SPINK13: variants seen among roughly 807,000 people sequenced by gnomAD.
SPINK13 encodes serine protease inhibitor Kazal-type 13.
In SPINK13, 11 loss-of-function variants were observed where a neutral mutation model predicts 11.0. The observed-to-expected ratio is 1.00, with a 90% confidence interval of 0.63 to 1.65. SPINK13 has a LOEUF of 1.65. Ranked by LOEUF, SPINK13 falls within the 40% of genes most tolerant of loss-of-function variation. The pLI, the probability that SPINK13 is intolerant of heterozygous loss-of-function variation, is 0.00. For missense variants in SPINK13, 113 were observed against 117.7 expected (o/e 0.96, Z 0.19); for synonymous variants, 31 against 35.6 (o/e 0.87, Z 0.46).
At chr5:148,271,332 G>T in intron 2 of SPINK13, among the ~76,000 whole-genome samples, 1 of 152,090 alleles carries the variant, frequency 6.6e-6, no homozygotes, top group East Asian at 1.9e-4. Flanking sequence ...CAATCAAAAA[G>T]CACCATGAAT....
chr5:148,282,465 G>T (rs575601829), intron 4 of SPINK13, among the ~76,000 whole-genome samples: 112 of 152,182 alleles, frequency 7.4e-4, no homozygotes, highest in Non-Finnish European at 1.3e-3. Context: ...ATAATGTTCT[G>T]GGAGAACTGT....
At chr5:148,270,194 T>C in intron 2 of SPINK13, 52 bp downstream of exon 2, 1 of 1,577,806 alleles carries the variant, frequency 6.3e-7, no homozygotes, top group Non-Finnish European at 8.7e-7. Context: ...CTTAAAGTTA[T>C]AGGAAAGAAA....
At chr5:148,269,318 T>G (rs906982060) in intron 1 of SPINK13, among the ~76,000 whole-genome samples, 10 of 152,180 alleles carry the variant, frequency 6.6e-5, no homozygotes, top group Admixed American at 5.2e-4. Flanking sequence ...AACCAAGAAT[T>G]TGAACTGCCA....
At chr5:148,271,490 CTTCAGT>C (rs1756349483) in intron 2 of SPINK13, among the ~76,000 whole-genome samples, 2 of 152,170 alleles carry the variant, frequency 1.3e-5, no homozygotes, top group South Asian at 4.1e-4. Context: ...AAAATTCTTA[CTTCAGT>C]TTCAGTCATT....
intron 3 of SPINK13, among the ~76,000 whole-genome samples, chr5:148,274,865 AT>A (rs1165995998): frequency 6.6e-6 from 1 of 152,212 alleles, no homozygotes; most frequent in South Asian, 2.1e-4. Context: ...AAAATATAAT[AT>A]TTTAGTAAAA....
intron 2 of SPINK13, among the ~76,000 whole-genome samples, chr5:148,273,592 A>T (rs1485918797): frequency 1.3e-5 from 2 of 150,070 alleles, no homozygotes; most frequent in Non-Finnish European, 2.9e-5. Flanking sequence ...TTGTTCTCTG[A>T]AAGAGTGTAC....
Position 148,270,341 on chromosome 5 carries a change from G to A in SPINK13, c.70+199G>A, listed in dbSNP as rs148329765. The stretch of plus-strand genomic sequence containing the variant: ...TTCTACATGGTGGAGTCACAACCTC[G>A]TGTCTATTCTGTCAATTCAAAAGAA... On this transcript the variant is annotated intron_variant, in intron 2 of 4. Transcript: ENST00000398450. 6.7e-4 allele frequency among the ~76,000 whole-genome samples: 102 copies of A among 152,222 alleles called. 1 individual carries two copies. Among genetic ancestry groups the A allele is most frequent in the African/African-American group, 2.3e-3 (95 of 41,530 alleles).
chr5:148,275,666 CTTT>C (rs768312591), intron 3 of SPINK13, among the ~76,000 whole-genome samples: 1 of 142,322 alleles, frequency 7.0e-6, no homozygotes, highest in Admixed American at 7.0e-5. Context: ...GACTTTTTTT[CTTT>C]TTTTTTTTTT....
chr5:148,269,958 A>G, intron 1 of SPINK13, 82 bp from the exon 2 acceptor site: 1 of 969,922 alleles, frequency 1.0e-6, no homozygotes, highest in East Asian at 2.5e-5. Flanking sequence ...CAGGAATGGT[A>G]TCACCTTAGG....
chr5:148,282,345 G>C (rs760242981), intron 4 of SPINK13, 114 bp downstream of exon 4: 9 of 1,311,638 alleles, frequency 6.9e-6, no homozygotes, highest in Non-Finnish European at 9.3e-6. Flanking sequence ...TAAAAAAATA[G>C]CCTCATTATT....
chr5:148,282,007 G>T, intron 3 of SPINK13, 97 bp from the exon 4 acceptor site: 1 of 1,493,972 alleles, frequency 6.7e-7, no homozygotes, highest in South Asian at 1.2e-5. Flanking sequence ...TGACTGGTAT[G>T]ATTTAATATT....
intron 4 of SPINK13, among the ~76,000 whole-genome samples, chr5:148,283,850 G>T (rs1347117581): frequency 2.6e-5 from 4 of 152,186 alleles, no homozygotes; most frequent in Non-Finnish European, 5.9e-5. Flanking sequence ...GTGTAAGAGG[G>T]TCTTGCTGAT....
At chr5:148,281,876 A>G (rs1756521338) in intron 3 of SPINK13, among the ~76,000 whole-genome samples, 1 of 152,212 alleles carries the variant, frequency 6.6e-6, no homozygotes, top group South Asian at 2.1e-4. Context: ...TGAAGGTTAA[A>G]CAGGGATATT....
At chr5:148,269,279 T>C (rs1456402772) in intron 1 of SPINK13, among the ~76,000 whole-genome samples, 1 of 152,210 alleles carries the variant, frequency 6.6e-6, no homozygotes, top group Non-Finnish European at 1.5e-5. Context: ...GTTCATACTT[T>C]CTGAGGCCTA....
chr5:148,283,506 A>G (rs536811338), intron 4 of SPINK13, among the ~76,000 whole-genome samples: 1 of 152,340 alleles, frequency 6.6e-6, no homozygotes, highest in Admixed American at 6.5e-5. Flanking sequence ...CTTTGAAAAT[A>G]ATCCTCATGA....
chr5:148,282,657 T>C (rs1460407863), intron 4 of SPINK13, among the ~76,000 whole-genome samples: 1 of 152,194 alleles, frequency 6.6e-6, no homozygotes, highest in African/African-American at 2.4e-5. Flanking sequence ...GCTATAGCCA[T>C]AGACAAACGT....
In SPINK13 at chr5:148,274,338, T is replaced by C. The variant is rs202132492; in HGVS notation, c.71-9T>C. On this transcript the variant is annotated splice_polypyrimidine_tract_variant and intron_variant, in intron 2 of 4. Transcript: ENST00000398450. ...CCTTTAACTTACTGTGTTTATTCTT[T>C]ATTAGCAGGAATTTTCAATAAACGT... The C allele has an allele frequency of 1.3e-5, 21 of 1,609,892 alleles. No individual in the cohort carries two copies. In the African/African-American group the frequency reaches 2.5e-4, roughly 19 times the overall value.
intron 3 of SPINK13, among the ~76,000 whole-genome samples, chr5:148,275,150 A>G (rs1426297781): frequency 6.6e-6 from 1 of 151,966 alleles, no homozygotes; most frequent in Non-Finnish European, 1.5e-5. Flanking sequence ...CGCTCCCCCA[A>G]CAGGCTCCAG....
At chr5:148,273,101 T>C (rs903665101) in intron 2 of SPINK13, among the ~76,000 whole-genome samples, 13 of 152,192 alleles carry the variant, frequency 8.5e-5, no homozygotes, top group African/African-American at 3.1e-4. Context: ...TTAAGGGTCA[T>C]TTCTGTATCT....
Sources: allele counts gnomAD v4.1 joint callset (sites outside exome capture counted in the v4.1 genomes callset), GRCh38; gene constraint gnomAD v4.1.1; transcripts MANE v1.5; gene names NCBI Gene and HGNC (gene_info 2026-07-23, HGNC 2026-07-21).